The following ATP5IF1 variants were observed in gnomAD, a reference collection of about 807,000 sequenced individuals.
ATP5IF1 encodes ATP synthase inhibitory factor subunit 1.
A neutral mutation model predicts 8.5 loss-of-function variants in ATP5IF1; 12 were observed. The observed-to-expected ratio is 1.41, with a 90% CI of 0.90 to 2.28. ATP5IF1 has a LOEUF of 2.28. Ranked by LOEUF, ATP5IF1 falls within the 30% of genes most tolerant of loss-of-function variation. The pLI, the probability that ATP5IF1 is intolerant of heterozygous loss-of-function variation, is 0.00. For missense variants in ATP5IF1, 154 were observed against 140.2 expected (o/e 1.10, Z -0.50); for synonymous variants, 51 against 53.4 (o/e 0.96, Z 0.19).
intron 2 of ATP5IF1, 183 bp from the exon 3 acceptor site, chr1:28,237,654 G>A: frequency 6.5e-7 from 1 of 1,528,220 alleles, no homozygotes; most frequent in Non-Finnish European, 8.8e-7. Flanking sequence ...GTCTTCTTAA[G>A]ATGGCTACAC....
chr1:28,236,626 CGTATAGGGCACTCCCA>C, intron 2 of ATP5IF1, 174 bp downstream of exon 2: 1 of 1,517,874 alleles, frequency 6.6e-7, no homozygotes, highest in Non-Finnish European at 8.8e-7. Context: ...ACCGTTGCCA[CGTATAGGGCACTCCCA>C]GTTACCTGCA....
At chr1:28,236,770 C>T in intron 2 of ATP5IF1, 22 of 1,280,772 alleles carry the variant, frequency 1.7e-5, no homozygotes, top group Non-Finnish European at 2.2e-5. Context: ...TCGTGCGAAA[C>T]ACCCCCAGAT....
chr1:28,236,516 G>C, intron 2 of ATP5IF1, 64 bp downstream of exon 2: 3 of 1,611,104 alleles, frequency 1.9e-6, no homozygotes, highest in Non-Finnish European at 2.5e-6. Context: ...TCCTTAAACT[G>C]CCAATCGCCC....
rs1557718856 is a variant in ATP5IF1 at position 28,236,160 on chromosome 1, GCCA to G, written c.-23_-21del. The G allele has an allele frequency of 1.9e-6, 3 of 1,610,190 alleles. No individual in the cohort carries two copies. Among genetic ancestry groups the G allele is most frequent in the Non-Finnish European group, 2.5e-6 (3 of 1,179,826 alleles). ...AGAGACTGCTTGCTGCGGCAGAGAC[GCCA>G]GAGGTGCAGCTCCAGCAGCAATGGC... On this transcript the variant is annotated 5_prime_UTR_variant, in exon 1 of 3. Transcript: ENST00000335514.
chr1:28,236,499 C>T (rs1185337786), intron 2 of ATP5IF1, 47 bp downstream of exon 2: 3 of 1,613,498 alleles, frequency 1.9e-6, no homozygotes, highest in African/African-American at 1.3e-5. Flanking sequence ...TCCCAATGGC[C>T]TTCCAATCCT....
At chr1:28,237,523 T>C in intron 2 of ATP5IF1, 1 of 1,366,834 alleles carries the variant, frequency 7.3e-7, no homozygotes, top group Non-Finnish European at 9.4e-7. Flanking sequence ...GTTCCTTTTT[T>C]TTTCCCTAAA....
intron 2 of ATP5IF1, 104 bp from the exon 3 acceptor site, chr1:28,237,733 G>A (rs767469518): frequency 6.2e-7 from 1 of 1,613,334 alleles, no homozygotes; most frequent in Admixed American, 1.7e-5. Flanking sequence ...AGACTCCCAT[G>A]GAATTGGAAC....
Position 28,237,912 on chromosome 1 carries a change from T to C in ATP5IF1, c.255T>C (p.Ile85=). ...EEEIVHHKKE[I]ERLQKEIERH... is the part of the protein sequence containing the mutation. ...AAATCGTTCATCATAAGAAGGAGAT[T>C]GAGCGTCTGCAGAAAGAAATTGAGC... The change falls in exon 3 of 3, where the codon ATT becomes ATC. Residue 85 remains isoleucine (I), a synonymous_variant. Transcript: ENST00000335514. 1 of 1,614,038 alleles carries C rather than the reference T, an allele frequency of 6.2e-7. No individual in the cohort carries two copies. The highest frequency in any genetic ancestry group is 8.5e-7 in the Non-Finnish European group (1 of 1,180,022).
chr1:28,236,268 C>A lies in ATP5IF1; in HGVS notation c.85C>A (p.Gln29Lys). The A allele has an allele frequency of 1.2e-6, 2 of 1,614,142 alleles. No individual in the cohort carries two copies. Among genetic ancestry groups the A allele is most frequent in the African/African-American group, 2.7e-5 (2 of 75,070 alleles). The change falls in exon 1 of 3, where the codon CAG (glutamine) becomes AAG (lysine). Residue 29 changes from glutamine (Q) to lysine (K), a missense_variant and splice_region_variant. Physicochemically the swap from Gln to Lys is moderately conservative, Grantham distance 53. Coordinates refer to ENST00000335514, the MANE Select transcript of ATP5IF1 (RefSeq NM_016311.5). ...TMQARGFGSD[Q>K]SENVDRGAGS... ...GCAAGCCCGAGGCTTCGGCTCGGAT[C>A]AGGTACGCTGCGGCAGTGTCCGCTG...
chr1:28,236,901 C>T, intron 2 of ATP5IF1: 1 of 1,117,172 alleles, frequency 9.0e-7, no homozygotes, highest in Non-Finnish European at 1.1e-6. Flanking sequence ...CTTAGCTTTG[C>T]AAGCCTGCAT....
intron 2 of ATP5IF1, chr1:28,236,973 C>G (rs1572078158): frequency 9.5e-7 from 1 of 1,051,176 alleles, no homozygotes; most frequent in East Asian, 8.1e-5. Flanking sequence ...ATGATGGGAG[C>G]TGGTCATGGG....
chr1:28,236,214 T>TGG lies in ATP5IF1; in HGVS notation c.32_33dup (p.Leu12GlyfsTer7). On this transcript the variant is annotated frameshift_variant, in exon 1 of 3. Transcript: ENST00000335514. LOFTEE classifies it high-confidence loss of function. ...AGTGACGGCGTTGGCGGCGCGGACGTGGCTTGGCGTGTGGGGCGTGAGGAC... is the reference window on the plus strand; with the variant it reads ...AGTGACGGCGTTGGCGGCGCGGACGTGGGGCTTGGCGTGTGGGGCGTGAGGAC... 6.2e-7 allele frequency: 1 copy of TGG among 1,613,800 alleles called. No individual in the cohort carries two copies. Among genetic ancestry groups the TGG allele is most frequent in the Non-Finnish European group, 8.5e-7 (1 of 1,179,978 alleles).
At chr1:28,237,113 T>C (rs1365394201) in intron 2 of ATP5IF1, 6 of 993,714 alleles carry the variant, frequency 6.0e-6, no homozygotes, top group Non-Finnish European at 6.0e-6. Flanking sequence ...CCTTGAGTTA[T>C]CTTTAACTGA....
chr1:28,237,248 G>A (rs6686978), intron 2 of ATP5IF1: 61,559 of 994,818 alleles, frequency 0.062, 1,993 homozygotes, highest in African/African-American at 0.077. Context: ...GAGAGCCAAG[G>A]TACAGCCGTT....
intron 2 of ATP5IF1, 85 bp from the exon 3 acceptor site, chr1:28,237,752 C>G (rs1251194564): frequency 1.2e-6 from 2 of 1,614,026 alleles, no homozygotes; most frequent in Non-Finnish European, 1.7e-6. Flanking sequence ...ACTCCTATTC[C>G]TTGCTTAGAC....
chr1:28,236,498 C>G (rs758613651), intron 2 of ATP5IF1, 46 bp downstream of exon 2: 4 of 1,613,484 alleles, frequency 2.5e-6, no homozygotes, highest in Non-Finnish European at 3.4e-6. Flanking sequence ...CTCCCAATGG[C>G]CTTCCAATCC....
intron 2 of ATP5IF1, 189 bp downstream of exon 2, chr1:28,236,641 C>A: frequency 6.7e-7 from 1 of 1,499,372 alleles, no homozygotes; most frequent in Non-Finnish European, 8.9e-7. Flanking sequence ...AGGGCACTCC[C>A]AGTTACCTGC....
At position 28,236,200 on chromosome 1, in the gene ATP5IF1, T is replaced by G. The variant is rs139508352; in HGVS notation, c.17T>G (p.Leu6Trp). The change falls in exon 1 of 3, where the codon TTG becomes TGG. Residue 6 changes from leucine to tryptophan, a missense_variant. By Grantham distance (61) the Leu-to-Trp change is moderately conservative. Coordinates refer to ENST00000335514, the MANE Select transcript of ATP5IF1 (RefSeq NM_016311.5). ...CCAGCAGCAATGGCAGTGACGGCGT[T>G]GGCGGCGCGGACGTGGCTTGGCGTG... MAVTA[L>W]AARTWLGVWG... 9 of 1,613,516 alleles carry G rather than the reference T, an allele frequency of 5.6e-6. No homozygotes were observed. The Admixed American group carries it at 1.3e-4, about 24-fold the overall frequency.
At position 28,236,160 on chromosome 1, in the gene ATP5IF1, G is replaced by T. The variant is rs190185865; in HGVS notation, c.-24G>T. 1.2e-4 allele frequency: 190 copies of T among 1,610,308 alleles called. No homozygotes were observed. In the African/African-American group the frequency reaches 2.0e-3, roughly 17 times the overall value. On this transcript the variant is annotated 5_prime_UTR_variant, in exon 1 of 3. Transcript: ENST00000335514. The stretch of plus-strand genomic sequence containing the variant: ...AGAGACTGCTTGCTGCGGCAGAGAC[G>T]CCAGAGGTGCAGCTCCAGCAGCAAT...
Sources: gnomAD v4.1 joint callset for allele counts on GRCh38, gnomAD v4.1.1 for gene constraint, MANE v1.5 for transcripts, NCBI Gene and HGNC (gene_info 2026-07-23, HGNC 2026-07-21) for gene names.